SPAG16: variants seen among roughly 807,000 people sequenced by gnomAD.
SPAG16 encodes sperm-associated antigen 16 protein.
In SPAG16, 86 loss-of-function variants were observed where a neutral mutation model predicts 80.4. That is an observed-to-expected ratio of 1.07 (90% CI 0.90 to 1.28). The LOEUF (loss-of-function observed/expected upper bound fraction) is 1.28, where lower values mean the gene tolerates loss of function less well. SPAG16 is among the 50% of genes most tolerant of loss of function. SPAG16 has a pLI of 0.00. For missense variants in SPAG16, 870 were observed against 765.3 expected (o/e 1.14, Z -1.61); for synonymous variants, 294 against 265.9 (o/e 1.11, Z -1.03).
At chr2:214,152,503 A>C (rs1490582221) in intron 15 of SPAG16, among the ~76,000 whole-genome samples, 1 of 152,134 alleles carries the variant, frequency 6.6e-6, no homozygotes, top group Non-Finnish European at 1.5e-5. Context: ...ATATTCTCTA[A>C]TAAGGAACTC....
chr2:213,902,411 G>T (rs115995957), intron 11 of SPAG16, among the ~76,000 whole-genome samples: 2 of 152,196 alleles, frequency 1.3e-5, no homozygotes, highest in Admixed American at 1.3e-4. Context: ...ATCATGGTGG[G>T]TGCTGAAAGG....
chr2:213,676,447 C>A (rs1429682747), intron 10 of SPAG16, among the ~76,000 whole-genome samples: 2 of 149,396 alleles, frequency 1.3e-5, no homozygotes, highest in Non-Finnish European at 3.0e-5. Flanking sequence ...GAGAGGGCAT[C>A]CCTGTCTTGT....
chr2:214,308,144 C>T (rs567231843), intron 15 of SPAG16, among the ~76,000 whole-genome samples: 2 of 152,148 alleles, frequency 1.3e-5, no homozygotes, highest in Non-Finnish European at 2.9e-5. Context: ...TTATGTAATG[C>T]CCTTCTGTGT....
At chr2:213,599,211 A>G (rs1168287674) in intron 10 of SPAG16, among the ~76,000 whole-genome samples, 1 of 152,218 alleles carries the variant, frequency 6.6e-6, no homozygotes, top group Non-Finnish European at 1.5e-5. Flanking sequence ...AAGAAGGACA[A>G]TTCTTAAGGC....
intron 10 of SPAG16, among the ~76,000 whole-genome samples, chr2:213,819,890 G>T (rs1226220271): frequency 6.6e-6 from 1 of 151,172 alleles, no homozygotes; most frequent in Non-Finnish European, 1.5e-5. Context: ...CCATGTAGCT[G>T]GGATTACAGG....
intron 10 of SPAG16, among the ~76,000 whole-genome samples, chr2:213,637,693 T>C: frequency 6.6e-6 from 1 of 152,194 alleles, no homozygotes; most frequent in Non-Finnish European, 1.5e-5. Context: ...TTCCAGGAAT[T>C]ATCCATCTTC....
chr2:213,785,423 A>T (rs1028876074), intron 10 of SPAG16, among the ~76,000 whole-genome samples: 1 of 152,210 alleles, frequency 6.6e-6, no homozygotes, highest in Non-Finnish European at 1.5e-5. Context: ...TACACCAAAA[A>T]TATTCATTTC....
chr2:213,808,724 C>A (rs559064446), intron 10 of SPAG16, among the ~76,000 whole-genome samples: 2 of 152,010 alleles, frequency 1.3e-5, no homozygotes, highest in Non-Finnish European at 2.9e-5. Flanking sequence ...ACTGAGGTAT[C>A]TTTCATGTAT....
At chr2:213,583,760 A>G (rs924319962) in intron 10 of SPAG16, among the ~76,000 whole-genome samples, 2 of 152,200 alleles carry the variant, frequency 1.3e-5, no homozygotes, top group East Asian at 3.8e-4. Flanking sequence ...TCATTATGAT[A>G]TCTTGACTAC....
chr2:213,533,212 C>T (rs2076130645), intron 10 of SPAG16, among the ~76,000 whole-genome samples: 1 of 152,104 alleles, frequency 6.6e-6, no homozygotes, highest in East Asian at 1.9e-4. Flanking sequence ...AACACTAATT[C>T]ATATATGTGT....
intron 12 of SPAG16, among the ~76,000 whole-genome samples, chr2:213,960,446 T>A (rs2044355241): frequency 6.6e-6 from 1 of 152,178 alleles, no homozygotes; most frequent in Non-Finnish European, 1.5e-5. Context: ...CTAGGCTTTG[T>A]GATTTTTTGT....
chr2:214,161,130 T>A (rs1253832768), intron 15 of SPAG16, among the ~76,000 whole-genome samples: 1 of 152,144 alleles, frequency 6.6e-6, no homozygotes, highest in African/African-American at 2.4e-5. Context: ...AATAACATGA[T>A]CTTGTTCCTT....
chr2:214,163,689 A>G (rs2056543230), intron 15 of SPAG16, among the ~76,000 whole-genome samples: 1 of 151,710 alleles, frequency 6.6e-6, no homozygotes, highest in African/African-American at 2.4e-5. Flanking sequence ...TTAAGGAATT[A>G]GCTTATGTGA....
At chr2:213,305,864 A>G (rs2062920548) in intron 3 of SPAG16, among the ~76,000 whole-genome samples, 1 of 152,078 alleles carries the variant, frequency 6.6e-6, no homozygotes, top group African/African-American at 2.4e-5. Context: ...TCATAGAATG[A>G]GTTTTGAAGT....
chr2:214,253,266 C>T (rs34598875), intron 15 of SPAG16, among the ~76,000 whole-genome samples: 148,328 of 152,156 alleles, frequency 0.97, 72,421 homozygotes, highest in East Asian at 1. Flanking sequence ...CTGTTCACTC[C>T]TATGATAGTT....
intron 10 of SPAG16, among the ~76,000 whole-genome samples, chr2:213,630,803 C>A (rs1251975952): frequency 6.6e-6 from 1 of 152,154 alleles, no homozygotes; most frequent in African/African-American, 2.4e-5. Flanking sequence ...CACTACCATA[C>A]TCCTCAAAAT....
chr2:214,334,707 G>A (rs1697157779), intron 15 of SPAG16, among the ~76,000 whole-genome samples: 1 of 152,200 alleles, frequency 6.6e-6, no homozygotes, highest in Non-Finnish European at 1.5e-5. Flanking sequence ...AAAGAACTGA[G>A]ATATGCCCTG....
intron 13 of SPAG16, among the ~76,000 whole-genome samples, chr2:214,070,516 A>T (rs1351920803): frequency 6.6e-6 from 1 of 151,672 alleles, no homozygotes; most frequent in Non-Finnish European, 1.5e-5. Context: ...TACAAAAGCA[A>T]TTTTTTTTCT....
rs115405053 is a variant in SPAG16 at position 213,765,918 on chromosome 2, C to T, written c.1071-96567C>T. Among the ~76,000 whole-genome samples, 260 of 152,202 alleles carry T rather than the reference C, an allele frequency of 1.7e-3. 2 individuals carry two copies. Among genetic ancestry groups the T allele is most frequent in the African/African-American group, 6.0e-3 (251 of 41,520 alleles). ...AGGATTAGGGAAACAGATCCAGATCCCGGTTCCTCAGTAAACGAGAACAGG... is the reference window on the plus strand; with the variant it reads ...AGGATTAGGGAAACAGATCCAGATCTCGGTTCCTCAGTAAACGAGAACAGG... On this transcript the variant is annotated intron_variant, in intron 10 of 15. Transcript: ENST00000331683.
Sources: gnomAD v4.1 joint callset for allele counts (sites outside exome capture counted in the v4.1 genomes callset) on GRCh38, gnomAD v4.1.1 for gene constraint, MANE v1.5 for transcripts, NCBI Gene and HGNC (gene_info 2026-07-23, HGNC 2026-07-21) for gene names.